The following POU6F1 variants were observed in gnomAD, a reference collection of about 807,000 sequenced individuals.
POU6F1 encodes POU class 6 homeobox 1.
Under a neutral mutation model 28.9 loss-of-function variants are expected in POU6F1, and 9 were observed. The observed-to-expected ratio is 0.31, with a 90% CI of 0.19 to 0.54. The LOEUF (loss-of-function observed/expected upper bound fraction) is 0.54. Among genes scored for constraint, POU6F1 ranks in the 20% least tolerant of loss-of-function variants. The pLI is 0.94. For missense variants in POU6F1, 338 were observed against 426.1 expected, an observed-to-expected ratio of 0.79 and a Z score of 1.82; for synonymous variants, 173 against 171.1, an observed-to-expected ratio of 1.01 and a Z score of -0.09.
rs1944327092 is a variant in POU6F1 at position 51,217,090 on chromosome 12, A to G, written c.-48+552T>C. On this transcript the variant is annotated intron_variant, in intron 1 of 10. Transcript: ENST00000333640. The surrounding 1 kb of genome is among the most constrained non-coding windows in gnomAD (Gnocchi z 5.3). ...CCATCACTGACCCACCCTTCCAGCA[A>G]CGCCTGGGTCCCTACCCCCGGGTCC... Among the ~76,000 whole-genome samples the G allele has an allele frequency of 6.6e-6, 1 of 152,166 alleles. No individual in the cohort carries two copies. Among genetic ancestry groups the G allele is most frequent in the African/African-American group, 2.4e-5 (1 of 41,432 alleles).
intron 3 of POU6F1, among the ~76,000 whole-genome samples, chr12:51,203,705 G>A (rs1943377237): frequency 6.6e-6 from 1 of 152,114 alleles, no homozygotes; most frequent in Non-Finnish European, 1.5e-5. Context: ...AGGGAAGGGG[G>A]AATATACAGC....
intron 1 of POU6F1, among the ~76,000 whole-genome samples, chr12:51,215,558 A>T (rs1472719538): frequency 1.3e-5 from 2 of 148,732 alleles, no homozygotes; most frequent in Non-Finnish European, 3.0e-5. Flanking sequence ...CCTGTCTCAA[A>T]AAAAAAAAAA....
In POU6F1 at chr12:51,192,414, G is replaced by C. The variant is rs1427147264; in HGVS notation, c.1237C>G (p.Pro413Ala). The C allele has an allele frequency of 5.0e-6, 8 of 1,614,096 alleles. No individual in the cohort carries two copies. Among genetic ancestry groups the C allele is most frequent in the Non-Finnish European group, 6.8e-6 (8 of 1,180,024 alleles). ...VPQPAVVIAS[P>A]APAAKPSASA... Reference sequence around the variant, plus strand: ...GCAGATGGCTTGGCGGCTGGAGCTGGGCTGGCAATGACCACAGCAGGCTGG... The same window carrying C: ...GCAGATGGCTTGGCGGCTGGAGCTGCGCTGGCAATGACCACAGCAGGCTGG... The change falls in exon 9 of 11, where the codon CCA (proline) becomes GCA (alanine). Residue 413 changes from proline (P) to alanine (A), a missense_variant. Around this residue, in one of 3 missense-constraint regions of POU6F1, gnomAD observed 206 missense variants for 225.6 expected, o/e 0.91. Coordinates refer to ENST00000333640, the MANE Select transcript of POU6F1 (RefSeq NM_001330422.2).
At chr12:51,193,341 A>G (rs1942571437) in intron 8 of POU6F1, among the ~76,000 whole-genome samples, 1 of 152,186 alleles carries the variant, frequency 6.6e-6, no homozygotes, top group Admixed American at 6.5e-5. Context: ...TTGGGAAGCC[A>G]AAGGGGGCGG....
rs1343403300 is a variant in POU6F1, at chr12:51,206,802, G to T, written c.35C>A (p.Thr12Asn). The change falls in exon 2 of 11, where the codon ACT becomes AAT. Residue 12 changes from threonine (T) to asparagine (N), a missense_variant. Around this residue, in one of 3 missense-constraint regions of POU6F1, gnomAD observed 206 missense variants for 225.6 expected, o/e 0.91. Coordinates refer to ENST00000333640, the MANE Select transcript of POU6F1 (RefSeq NM_001330422.2). Reference protein sequence around the residue: ...DPGAGSETSLTVNEQVIVMSG... With the variant: ...DPGAGSETSLNVNEQVIVMSG... ...CCCAGAAGATACCTGCTCATTGACA[G>T]TCAGAGATGTCTCTGACCCGGCTCC... The T allele has an allele frequency of 1.0e-5, 4 of 398,642 alleles. No homozygotes were observed. Among genetic ancestry groups the T allele is most frequent in the Non-Finnish European group, 1.8e-5 (4 of 226,086 alleles). The allele number at this position is 398,642 out of a possible 1,614,324, so 24.7% of individuals were successfully genotyped here.
chr12:51,192,541 A>G (rs1181448854), intron 8 of POU6F1, 70 bp from the exon 9 acceptor site: 1 of 1,564,964 alleles, frequency 6.4e-7, no homozygotes, highest in African/African-American at 1.4e-5. Context: ...CCCTGGGTGG[A>G]CCAGAGGCAG....
At chr12:51,205,534 T>A (rs1236718381) in intron 2 of POU6F1, among the ~76,000 whole-genome samples, 1 of 152,186 alleles carries the variant, frequency 6.6e-6, no homozygotes, top group African/African-American at 2.4e-5. Flanking sequence ...ACCCTGCCAA[T>A]TGGGCCATTC....
rs759998357 is a variant in POU6F1, at chr12:51,196,861, T to G, written c.913A>C (p.Thr305Pro). 6.2e-7 allele frequency: 1 copy of G among 1,614,036 alleles called. No homozygotes were observed. The highest frequency in any genetic ancestry group is 2.2e-5 in the East Asian group (1 of 44,888). The change falls in exon 7 of 11, where the codon ACC (threonine) becomes CCC (proline). Residue 305 changes from threonine (T) to proline (P), a missense_variant. Thr to Pro is a conservative substitution (Grantham distance 38). Transcript: ENST00000333640. ...LGSLTTAPVI[T>P]SAIPSMPGIS... Reference sequence around the variant, plus strand: ...CCTGGCATGCTGGGAATGGCGCTGGTAATGACTGGAGCTGTAGTGAGGGAC... The same window carrying G: ...CCTGGCATGCTGGGAATGGCGCTGGGAATGACTGGAGCTGTAGTGAGGGAC...
chr12:51,196,081 C>T lies in POU6F1; in HGVS notation c.1068G>A (p.Gln356=), dbSNP rs767941840. ...QSLQVQAVTP[Q]LLLNAQGQVI... ...CCTGGCCCTGGGCGTTCAACAACAGCTGGGGGGTCACGGCCTGGACCTGCA... is the reference window on the plus strand; with the variant it reads ...CCTGGCCCTGGGCGTTCAACAACAGTTGGGGGGTCACGGCCTGGACCTGCA... The change falls in exon 8 of 11, where the codon CAG becomes CAA. Residue 356 remains glutamine (Q), a synonymous_variant. Transcript: ENST00000333640. 7 of 1,606,770 alleles carry T rather than the reference C, an allele frequency of 4.4e-6. No homozygotes were observed. The highest frequency in any genetic ancestry group is 5.1e-6 in the Non-Finnish European group (6 of 1,177,216).
rs2137078183 is a variant in POU6F1 at position 51,188,875 on chromosome 12, G to A, written c.*1372C>T. The A allele has an allele frequency of 6.6e-6, 1 of 152,260 alleles. No homozygotes were observed. The highest frequency in any genetic ancestry group is 3.4e-3 in the Middle Eastern group (1 of 294). 9.4% of individuals were successfully genotyped at this position (152,260 alleles called of 1,614,324 possible). The stretch of plus-strand genomic sequence containing the variant: ...TACACCGCAAGCCTGTGGTCATCTA[G>A]GCAAATCTCAGTTCTCTCCTGACTT... On this transcript the variant is annotated 3_prime_UTR_variant, in exon 11 of 11. Transcript: ENST00000333640.
At chr12:51,198,123 G>T in intron 5 of POU6F1, 100 bp from the exon 6 acceptor site, 1 of 398,344 alleles carries the variant, frequency 2.5e-6, no homozygotes, top group South Asian at 1.4e-4. Context: ...AGGGGGTTGG[G>T]GCAGTGGGCT....
chr12:51,196,860 G>A lies in POU6F1; in HGVS notation c.914C>T (p.Thr305Ile). Reference protein sequence around the residue: ...LGSLTTAPVITSAIPSMPGIS... With the variant: ...LGSLTTAPVIISAIPSMPGIS... ...CCCTGGCATGCTGGGAATGGCGCTGGTAATGACTGGAGCTGTAGTGAGGGA... is the reference window on the plus strand; with the variant it reads ...CCCTGGCATGCTGGGAATGGCGCTGATAATGACTGGAGCTGTAGTGAGGGA... The change falls in exon 7 of 11, where the codon ACC becomes ATC. Residue 305 changes from threonine to isoleucine, a missense_variant. By Grantham distance (89) the Thr-to-Ile change is moderately conservative. Coordinates refer to ENST00000333640, the MANE Select transcript of POU6F1 (RefSeq NM_001330422.2). 1 of 1,614,072 alleles carries A rather than the reference G, an allele frequency of 6.2e-7. No individual in the cohort carries two copies. The highest frequency in any genetic ancestry group is 8.5e-7 in the Non-Finnish European group (1 of 1,179,962).
rs974391441 is a variant in POU6F1 at position 51,190,203 on chromosome 12, G to A, written c.*44C>T. ...GGCAGTGGCTGCAGCCGGATGCCACGGGAAATGGACAAAGTGCTAGAACAC... is the reference window on the plus strand; with the variant it reads ...GGCAGTGGCTGCAGCCGGATGCCACAGGAAATGGACAAAGTGCTAGAACAC... On this transcript the variant is annotated 3_prime_UTR_variant, in exon 11 of 11. Transcript: ENST00000333640. The surrounding 1 kb of genome is among the most constrained non-coding windows in gnomAD (Gnocchi z 4.5). 1.1e-5 allele frequency: 17 copies of A among 1,592,692 alleles called. No individual in the cohort carries two copies. The highest frequency in any genetic ancestry group is 4.5e-5 in the East Asian group (2 of 44,450).
intron 3 of POU6F1, among the ~76,000 whole-genome samples, chr12:51,200,286 G>A (rs375083072): frequency 1.1e-4 from 16 of 152,300 alleles, no homozygotes; most frequent in Middle Eastern, 3.4e-3. Flanking sequence ...CCACTGAATC[G>A]CTGTTCATCC....
At position 51,198,581 on chromosome 12, in the gene POU6F1, T is replaced by G; in HGVS notation, c.561A>C (p.Gly187=). The change falls in exon 5 of 11, where the codon GGA becomes GGC. Residue 187 remains glycine (G), a synonymous_variant. Coordinates refer to ENST00000333640, the MANE Select transcript of POU6F1 (RefSeq NM_001330422.2). Reference sequence around the variant, plus strand: ...GACCGGCTAAAGGTGGCTTGAACACTCCCCCCGTAGGAGAAGCAGCGGTCA... The same window carrying G: ...GACCGGCTAAAGGTGGCTTGAACACGCCCCCCGTAGGAGAAGCAGCGGTCA... ...PGLTAASPTG[G]VFKPPLAGLQ... 1 of 398,956 alleles carries G rather than the reference T, an allele frequency of 2.5e-6. No homozygotes were observed. The highest frequency in any genetic ancestry group is 3.6e-5 in the East Asian group (1 of 28,056). 24.7% of individuals were successfully genotyped at this position (398,956 alleles called of 1,614,324 possible).
intron 3 of POU6F1, 112 bp downstream of exon 3, chr12:51,204,061 C>T (rs1221352596): frequency 7.5e-6 from 3 of 398,136 alleles, no homozygotes; most frequent in East Asian, 3.6e-5. Flanking sequence ...GGCAGGCAGA[C>T]AAGACCCTAA....
At position 51,187,962 on chromosome 12, in the gene POU6F1, C is replaced by G. The variant is rs1284171542; in HGVS notation, c.*2285G>C. Reference sequence around the variant, plus strand: ...AGTTTTTGTTTGTTTGAGACCGAGTCTTGCTCTGTCACCCAGGCTGGAGTG... The same window carrying G: ...AGTTTTTGTTTGTTTGAGACCGAGTGTTGCTCTGTCACCCAGGCTGGAGTG... On this transcript the variant is annotated 3_prime_UTR_variant, in exon 11 of 11. Transcript: ENST00000333640. 1 of 152,220 alleles carries G rather than the reference C, an allele frequency of 6.6e-6. No individual in the cohort carries two copies. The highest frequency in any genetic ancestry group is 2.4e-5 in the African/African-American group (1 of 41,452). 9.4% of individuals were successfully genotyped at this position (152,220 alleles called of 1,614,324 possible). A position where few individuals can be genotyped will look rare whatever the true frequency, so the allele number is the denominator to read the frequency against.
intron 1 of POU6F1, among the ~76,000 whole-genome samples, chr12:51,215,766 A>G (rs1476703731): frequency 6.6e-6 from 1 of 152,034 alleles, no homozygotes; most frequent in Admixed American, 6.6e-5. Context: ...TTAAAGGCAG[A>G]AGACCCAGCT....
In POU6F1 at chr12:51,213,167, C is replaced by T. The variant is rs556483516; in HGVS notation, c.-48+4475G>A. 2.0e-5 allele frequency among the ~76,000 whole-genome samples: 3 copies of T among 152,244 alleles called. No homozygotes were observed. The South Asian group carries it at 6.2e-4, about 32-fold the overall frequency. On this transcript the variant is annotated intron_variant, in intron 1 of 10. Coordinates refer to ENST00000333640, the MANE Select transcript of POU6F1 (RefSeq NM_001330422.2). ...GCCCAGGTTAGTCAGGAACTCCTGA[C>T]CTCAGATGATTCACCCGCCTTGGCC...
Sources: allele counts gnomAD v4.1 joint callset (sites outside exome capture counted in the v4.1 genomes callset), GRCh38; gene constraint gnomAD v4.1.1; regional missense constraint gnomAD v4.1.1; non-coding constraint Gnocchi (gnomAD v3.1); transcripts MANE v1.5; gene names NCBI Gene and HGNC (gene_info 2026-07-23, HGNC 2026-07-21).